CPNE4: variants seen among roughly 807,000 people sequenced by gnomAD.
CPNE4 encodes the protein copine-4.
Under a neutral mutation model 67.9 loss-of-function variants are expected in CPNE4, and 25 were observed. That is an observed-to-expected ratio of 0.37 (90% CI 0.27 to 0.51). CPNE4 has a LOEUF of 0.51. CPNE4 is among the 20% of genes least tolerant of loss of function. The pLI is 0.93. For synonymous variants in CPNE4, 242 were observed against 244.9 expected, an observed-to-expected ratio of 0.99 and a Z score of 0.11; for missense variants, 464 against 690.8, an observed-to-expected ratio of 0.67 and a Z score of 3.68.
intron 2 of CPNE4, among the ~76,000 whole-genome samples, chr3:131,759,715 G>A (rs895915863): frequency 1.3e-5 from 2 of 152,174 alleles, no homozygotes; most frequent in Non-Finnish European, 2.9e-5. Flanking sequence ...ATAATTAATA[G>A]AAAATTGCAT....
chr3:131,554,654 T>G (rs557865492), intron 12 of CPNE4, among the ~76,000 whole-genome samples: 1 of 152,208 alleles, frequency 6.6e-6, no homozygotes, highest in South Asian at 2.1e-4. Context: ...GCCCTTTATA[T>G]GATGGCTCTA....
intron 2 of CPNE4, among the ~76,000 whole-genome samples, chr3:131,839,404 G>T (rs2085685124): frequency 1.3e-5 from 2 of 150,656 alleles, no homozygotes; most frequent in Non-Finnish European, 3.0e-5. Flanking sequence ...TAAAATCAAG[G>T]TACAAAATAT....
intron 2 of CPNE4, among the ~76,000 whole-genome samples, chr3:131,807,015 A>G (rs1263124856): frequency 6.6e-6 from 1 of 152,220 alleles, no homozygotes; most frequent in East Asian, 1.9e-4. Context: ...AGAGAAAGGT[A>G]TGCATAACAC....
intron 2 of CPNE4, among the ~76,000 whole-genome samples, chr3:131,818,660 GT>G (rs1240011827): frequency 1.7e-4 from 26 of 152,304 alleles, no homozygotes; most frequent in African/African-American, 6.3e-4. Flanking sequence ...GCATATTAAA[GT>G]TTGAGAAACA....
chr3:131,970,864 G>C (rs1163738804), intron 1 of CPNE4, among the ~76,000 whole-genome samples: 1 of 152,190 alleles, frequency 6.6e-6, no homozygotes. Flanking sequence ...CAATCTGAGA[G>C]GGTAGCAGCA....
intron 2 of CPNE4, among the ~76,000 whole-genome samples, chr3:131,892,881 A>G (rs746036422): frequency 6.6e-6 from 1 of 152,078 alleles, no homozygotes; most frequent in Non-Finnish European, 1.5e-5. Flanking sequence ...CAGAAAACCA[A>G]CAAACCAGAT....
At chr3:131,565,121 A>G (rs1031804294) in intron 10 of CPNE4, among the ~76,000 whole-genome samples, 2 of 152,030 alleles carry the variant, frequency 1.3e-5, no homozygotes, top group Admixed American at 1.3e-4. Context: ...AGAACAAAAA[A>G]TGCTTAAGCC....
intron 1 of CPNE4, among the ~76,000 whole-genome samples, chr3:131,999,241 T>TAAAAAAAAAAAAAAAAAAAAAAAAA (rs79127364): frequency 4.0e-5 from 4 of 98,816 alleles, no homozygotes; most frequent in Middle Eastern, 6.0e-3. Flanking sequence ...TTATCCAAGG[T>TAAAAAAAAAAAAAAAAAAAAAAAAA]AAAAAAAAAA....
At chr3:131,733,284 C>T (rs972295166) in intron 2 of CPNE4, among the ~76,000 whole-genome samples, 4 of 152,194 alleles carry the variant, frequency 2.6e-5, no homozygotes, top group Non-Finnish European at 4.4e-5. Flanking sequence ...CAAACACCAT[C>T]GTCTGGGCAA....
intron 7 of CPNE4, among the ~76,000 whole-genome samples, chr3:131,643,994 G>A (rs2079601223): frequency 6.6e-6 from 1 of 152,092 alleles, no homozygotes; most frequent in Non-Finnish European, 1.5e-5. Context: ...GCGCGAGAGT[G>A]GACTAATACA....
At chr3:131,797,753 A>G (rs1283500780) in intron 2 of CPNE4, among the ~76,000 whole-genome samples, 1 of 152,218 alleles carries the variant, frequency 6.6e-6, no homozygotes, top group African/African-American at 2.4e-5. Context: ...CTGCTCAGAT[A>G]TAACACATCG....
chr3:131,553,317 C>T (rs1024725933), intron 12 of CPNE4, among the ~76,000 whole-genome samples: 3 of 152,038 alleles, frequency 2.0e-5, no homozygotes, highest in African/African-American at 7.2e-5. Flanking sequence ...GGGAGGTGAT[C>T]GGTGATGCTC....
At chr3:131,649,612 G>A (rs1582954841) in intron 7 of CPNE4, among the ~76,000 whole-genome samples, 1 of 152,170 alleles carries the variant, frequency 6.6e-6, no homozygotes, top group African/African-American at 2.4e-5. Flanking sequence ...GAGAGCTGGG[G>A]CAAGTCACTT....
intron 2 of CPNE4, among the ~76,000 whole-genome samples, chr3:131,836,304 C>A (rs977339390): frequency 1.3e-5 from 2 of 152,050 alleles, no homozygotes. Flanking sequence ...TGGTTCAATA[C>A]TCAAAAATTA....
intron 2 of CPNE4, among the ~76,000 whole-genome samples, chr3:131,782,733 T>C (rs1207751892): frequency 6.6e-6 from 1 of 152,008 alleles, no homozygotes; most frequent in African/African-American, 2.4e-5. Flanking sequence ...ATGTAGAAAA[T>C]CGTATTTTCT....
At position 131,699,973 on chromosome 3, in the gene CPNE4, G is replaced by T; in HGVS notation, c.368C>A (p.Ser123Tyr). Residue 123 changes from serine to tyrosine, a missense_variant, in exon 4 of 16, where the codon TCC becomes TAC. Coordinates refer to ENST00000429747, the MANE Select transcript of CPNE4 (RefSeq NM_130808.3). ...CAAGGATTTGGACAGCTTTCTCTGG[G>T]AAACAATCTGCAAAAAAGGAAACAA... ...GMECTLGQIV[S>Y]QRKLSKSLLK... is the part of the protein sequence containing the mutation. 1 of 1,597,430 alleles carries T rather than the reference G, an allele frequency of 6.3e-7. No homozygotes were observed. Among genetic ancestry groups the T allele is most frequent in the South Asian group, 1.1e-5 (1 of 90,176 alleles).
rs149920329 is a variant in CPNE4, at chr3:131,852,355, G to T, written c.180+52909C>A. Among the ~76,000 whole-genome samples the T allele has an allele frequency of 3.7e-3, 557 of 152,094 alleles. 1 individual carries two copies. Among genetic ancestry groups the T allele is most frequent in the Admixed American group, 6.6e-3 (101 of 15,256 alleles). Reference sequence around the variant, plus strand: ...GTGGGTTTCATCTCAGAAACACAGAGTTGGTTTAATATTTGAAAATGAATC... The same window carrying T: ...GTGGGTTTCATCTCAGAAACACAGATTTGGTTTAATATTTGAAAATGAATC... On this transcript the variant is annotated intron_variant, in intron 2 of 15. Coordinates refer to ENST00000429747, the MANE Select transcript of CPNE4 (RefSeq NM_130808.3).
chr3:131,953,380 G>A lies in CPNE4; in HGVS notation c.-1-47936C>T, dbSNP rs138704493. Among the ~76,000 whole-genome samples, 732 of 151,666 alleles carry A rather than the reference G, an allele frequency of 4.8e-3. 6 individuals are homozygous for A. Among genetic ancestry groups the A allele is most frequent in the African/African-American group, 0.017 (702 of 41,332 alleles). On this transcript the variant is annotated intron_variant, in intron 1 of 15. Coordinates refer to ENST00000429747, the MANE Select transcript of CPNE4 (RefSeq NM_130808.3). ...TTGTCATATATGATCTTGATTATGC[G>A]GAAGTATATTTCTTCTATGCCTAAT...
intron 1 of CPNE4, among the ~76,000 whole-genome samples, chr3:131,977,038 G>C (rs1247906957): frequency 6.6e-6 from 1 of 152,062 alleles, no homozygotes; most frequent in Non-Finnish European, 1.5e-5. Flanking sequence ...CTGACCTCGT[G>C]ATCTGCCCGC....
Sources: allele counts gnomAD v4.1 joint callset (sites outside exome capture counted in the v4.1 genomes callset), GRCh38; gene constraint gnomAD v4.1.1; transcripts MANE v1.5; gene names NCBI Gene and HGNC (gene_info 2026-07-23, HGNC 2026-07-21).